The following PHYHD1 variants were observed in gnomAD, a reference collection of about 807,000 sequenced individuals.
PHYHD1 encodes the protein phytanoyl-CoA dioxygenase domain-containing protein 1.
Under a neutral mutation model 43.6 loss-of-function variants are expected in PHYHD1, and 42 were observed. That is an observed-to-expected ratio of 0.96 (90% CI 0.75 to 1.25). The LOEUF is 1.25. PHYHD1 is among the 50% of genes most tolerant of loss of function. The pLI is 0.00. For synonymous variants in PHYHD1, 139 were observed against 143.6 expected, an observed-to-expected ratio of 0.97 and a Z score of 0.23; for missense variants, 342 against 370.8, an observed-to-expected ratio of 0.92 and a Z score of 0.64.
At chr9:128,924,604 C>CCTGT (rs1486806776) in intron 3 of PHYHD1, among the ~76,000 whole-genome samples, 1 of 148,758 alleles carries the variant, frequency 6.7e-6, no homozygotes, top group Non-Finnish European at 1.5e-5. Flanking sequence ...AGAGAGAGAC[C>CCTGT]CTGTCTCTTA....
intron 11 of PHYHD1, 61 bp from the exon 12 acceptor site, chr9:128,941,374 ATGTCCCTTCC>A: frequency 6.3e-7 from 1 of 1,583,666 alleles, no homozygotes; most frequent in Non-Finnish European, 8.6e-7. Flanking sequence ...AGGAGGGCCC[ATGTCCCTTCC>A]TGCTCTGGGG....
chr9:128,926,269 T>G (rs1841130625), intron 3 of PHYHD1, among the ~76,000 whole-genome samples: 2 of 152,188 alleles, frequency 1.3e-5, no homozygotes, highest in African/African-American at 4.8e-5. Flanking sequence ...TCGCTTTTGT[T>G]GCCCAGGCTG....
rs1841537398 is a variant in PHYHD1 at position 128,940,710 on chromosome 9, A to G, written c.698A>G (p.Gln233Arg). Residue 233 changes from glutamine to arginine, a missense_variant, in exon 11 of 13, where the codon CAG becomes CGG. Coordinates refer to ENST00000372592, the MANE Select transcript of PHYHD1 (RefSeq NM_001100876.2). ...AGCCTCTTTGTGCCCACCCCAGTGC[A>G]GAGAGGTAGGCAGATGCAGAGGGCA... Reference protein sequence around the residue: ...DNSLFVPTPVQRGALVLIHGE... With the variant: ...DNSLFVPTPVRRGALVLIHGE... 6.2e-7 allele frequency: 1 copy of G among 1,613,272 alleles called. No homozygotes were observed. The highest frequency in any genetic ancestry group is 8.5e-7 in the Non-Finnish European group (1 of 1,179,994).
rs1840993234 is a variant in PHYHD1 at position 128,921,310 on chromosome 9, T to G, written c.-518T>G. 6.6e-6 allele frequency: 1 copy of G among 151,912 alleles called. No individual in the cohort carries two copies. Among genetic ancestry groups the G allele is most frequent in the African/African-American group, 2.4e-5 (1 of 41,340 alleles). The allele number at this position is 151,912 out of a possible 1,614,324, so 9.4% of individuals were successfully genotyped here. ...GTATTTTTATTTATTATTTATTTATTTATTTTGAGACCGAGTCTCGCTCTG... is the reference window on the plus strand; with the variant it reads ...GTATTTTTATTTATTATTTATTTATGTATTTTGAGACCGAGTCTCGCTCTG... On this transcript the variant is annotated 5_prime_UTR_variant, in exon 1 of 13. In the 5' UTR this introduces an upstream ATG that the reference lacks. Coordinates refer to ENST00000372592, the MANE Select transcript of PHYHD1 (RefSeq NM_001100876.2).
chr9:128,937,885 G>A, intron 9 of PHYHD1, 107 bp downstream of exon 9: 2 of 1,583,236 alleles, frequency 1.3e-6, no homozygotes, highest in South Asian at 1.1e-5. Flanking sequence ...CCTGTCTGTT[G>A]TAGGAGCCTG....
chr9:128,930,623 C>A (rs1841247586), intron 4 of PHYHD1, among the ~76,000 whole-genome samples: 1 of 150,566 alleles, frequency 6.6e-6, no homozygotes, highest in South Asian at 2.1e-4. Context: ...GAGTGAACCT[C>A]CGTCTCAAAA....
chr9:128,940,647 G>A lies in PHYHD1; in HGVS notation c.635G>A (p.Gly212Asp). Residue 212 changes from glycine (G) to aspartate (D), a missense_variant, in exon 11 of 13, where the codon GGT (glycine) becomes GAT (aspartate). Physicochemically the swap from Gly to Asp is moderately conservative, Grantham distance 94. Coordinates refer to ENST00000372592, the MANE Select transcript of PHYHD1 (RefSeq NM_001100876.2). ...CGGGCCCCTGTTGGCTCAGCGCCTG[G>A]TACCAGCTTCCTTGGGTCAGAGCCA... ...MVRAPVGSAP[G>D]TSFLGSEPAR... The A allele has an allele frequency of 1.9e-6, 3 of 1,614,170 alleles. No individual in the cohort carries two copies. The highest frequency in any genetic ancestry group is 1.7e-6 in the Non-Finnish European group (2 of 1,180,030).
Position 128,922,003 on chromosome 9 carries a change from A to G in PHYHD1, c.-86A>G, listed in dbSNP as rs1163814826. The stretch of plus-strand genomic sequence containing the variant: ...CGGCGCCTGGACTGGGACTCAGCCC[A>G]GCTGCTTGGCCTGACCCTCTCACAG... On this transcript the variant is annotated 5_prime_UTR_variant, in exon 2 of 13. Transcript: ENST00000372592. 8 of 394,888 alleles carry G rather than the reference A, an allele frequency of 2.0e-5. No individual in the cohort carries two copies. In the East Asian group the frequency reaches 3.5e-4, roughly 17 times the overall value. 24.5% of individuals were successfully genotyped at this position (394,888 alleles called of 1,614,324 possible).
intron 8 of PHYHD1, among the ~76,000 whole-genome samples, chr9:128,937,273 GA>G (rs896766879): frequency 2.0e-5 from 3 of 151,012 alleles, no homozygotes; most frequent in African/African-American, 7.3e-5. Context: ...AAAAAAAAAA[GA>G]AAAAAAAATT....
chr9:128,922,267 T>G lies in PHYHD1; in HGVS notation c.-41-16T>G. On this transcript the variant is annotated splice_polypyrimidine_tract_variant and intron_variant, in intron 2 of 12. Coordinates refer to ENST00000372592, the MANE Select transcript of PHYHD1 (RefSeq NM_001100876.2). ...TTAAGTCCTCCCAGGCTCCTAAACT[T>G]TCTCCTCCCCACCAGGAGGCCGCGC... is the stretch of plus-strand genomic sequence containing the variant. 6.5e-7 allele frequency: 1 copy of G among 1,547,936 alleles called. No individual in the cohort carries two copies.
intron 9 of PHYHD1, chr9:128,938,006 T>G (rs1316002293): frequency 1.4e-6 from 2 of 1,394,484 alleles, no homozygotes; most frequent in Non-Finnish European, 1.9e-6. Context: ...CCCAGCTGGT[T>G]AAAAATATAG....
Position 128,938,579 on chromosome 9 carries a change from G to A in PHYHD1, c.457+801G>A, listed in dbSNP as rs1490497789. On this transcript the variant is annotated intron_variant, in intron 9 of 12. Coordinates refer to ENST00000372592, the MANE Select transcript of PHYHD1 (RefSeq NM_001100876.2). ...TGGGATTACAGGTGCCTGCCACCAC[G>A]CCCAGCTAATTTTTTGTATTTTTAG... Among the ~76,000 whole-genome samples, 7 of 151,964 alleles carry A rather than the reference G, an allele frequency of 4.6e-5. 1 individual carries two copies. The highest frequency in any genetic ancestry group is 7.3e-5 in the African/African-American group (3 of 41,348).
At chr9:128,936,833 G>A (rs1014394160) in intron 8 of PHYHD1, among the ~76,000 whole-genome samples, 188 bp downstream of exon 8, 1 of 152,090 alleles carries the variant, frequency 6.6e-6, no homozygotes, top group East Asian at 1.9e-4. Flanking sequence ...TGGTGGTAGG[G>A]GCCGGGCGTG....
chr9:128,940,337 A>G (rs371834885), intron 9 of PHYHD1, 32 bp from the exon 10 acceptor site: 30 of 1,611,958 alleles, frequency 1.9e-5, no homozygotes, highest in Admixed American at 3.3e-5. Context: ...AGGCAAAAGG[A>G]TGAGCTCCTC....
intron 4 of PHYHD1, 23 bp from the exon 5 acceptor site, chr9:128,933,759 C>A (rs955651354): frequency 6.2e-7 from 1 of 1,610,116 alleles, no homozygotes; most frequent in East Asian, 2.2e-5. Context: ...CTGTCTCAGT[C>A]CTCTGATGTC....
At chr9:128,922,495 C>T (rs557615813) in intron 3 of PHYHD1, 139 bp downstream of exon 3, 4 of 1,050,408 alleles carry the variant, frequency 3.8e-6, no homozygotes, top group East Asian at 2.7e-5. Context: ...GGGTTCCCAA[C>T]CGCAACCCCT....
chr9:128,928,622 G>A (rs879721945), intron 4 of PHYHD1, among the ~76,000 whole-genome samples: 1 of 152,026 alleles, frequency 6.6e-6, no homozygotes, highest in East Asian at 1.9e-4. Context: ...AGAATCGCTT[G>A]AACCCAGGAA....
In PHYHD1 at chr9:128,937,742, T is replaced by C. The variant is rs759321893; in HGVS notation, c.436-15T>C. On this transcript the variant is annotated splice_polypyrimidine_tract_variant and intron_variant, in intron 8 of 12. Transcript: ENST00000372592. Reference sequence around the variant, plus strand: ...CTCTCTTCTGTCCTCACCAGGCTTTTCCTCTCTCTTGCAGCAACCTCACTT... The same window carrying C: ...CTCTCTTCTGTCCTCACCAGGCTTTCCCTCTCTCTTGCAGCAACCTCACTT... 7 of 1,613,936 alleles carry C rather than the reference T, an allele frequency of 4.3e-6. No homozygotes were observed. The highest frequency in any genetic ancestry group is 5.9e-6 in the Non-Finnish European group (7 of 1,180,018).
intron 10 of PHYHD1, 21 bp downstream of exon 10, chr9:128,940,518 T>G (rs1362696443): frequency 6.2e-7 from 1 of 1,613,960 alleles, no homozygotes; most frequent in Non-Finnish European, 8.5e-7. Flanking sequence ...CTGTCTCTTC[T>G]GCCCACTTGG....
Sources: gnomAD v4.1 joint callset for allele counts (sites outside exome capture counted in the v4.1 genomes callset) on GRCh38, gnomAD v4.1.1 for gene constraint, MANE v1.5 for transcripts, NCBI Gene and HGNC (gene_info 2026-07-23, HGNC 2026-07-21) for gene names.